Variants in ZFYVE28 observed in about 807,000 individuals in gnomAD.
The protein encoded by ZFYVE28 is zinc finger FYVE-type containing 28.
A neutral mutation model predicts 82.1 loss-of-function variants in ZFYVE28; 40 were observed. The observed-to-expected ratio is 0.49, with a 90% CI of 0.38 to 0.63. The LOEUF is 0.63. Among genes scored for constraint, ZFYVE28 ranks in the 30% least tolerant of loss-of-function variants. The pLI, the probability that ZFYVE28 is intolerant of heterozygous loss-of-function variation, is 0.00. For synonymous variants in ZFYVE28, 612 were observed against 546.1 expected (o/e 1.12, Z -1.68); for missense variants, 1,321 against 1,242.1 (o/e 1.06, Z -0.96).
chr4:2,333,075 C>T (rs1341461753), intron 6 of ZFYVE28, among the ~76,000 whole-genome samples: 1 of 151,946 alleles, frequency 6.6e-6, no homozygotes, highest in African/African-American at 2.4e-5. Context: ...TCCCACTGTC[C>T]TGAGCCCGAG....
chr4:2,284,701 AGT>A (rs1712466592), intron 8 of ZFYVE28, among the ~76,000 whole-genome samples: 1 of 152,122 alleles, frequency 6.6e-6, no homozygotes, highest in Non-Finnish European at 1.5e-5. Flanking sequence ...CGGGGGGCTG[AGT>A]CTGCAATGCA....
chr4:2,282,375 AGGCCACAGGACAGT>A (rs1712079518), intron 8 of ZFYVE28, among the ~76,000 whole-genome samples: 1 of 152,222 alleles, frequency 6.6e-6, no homozygotes, highest in Non-Finnish European at 1.5e-5. Context: ...TGTCACAGTT[AGGCCACAGGACAGT>A]GGCCAGGTTT....
At chr4:2,295,449 G>C (rs1714402335) in intron 8 of ZFYVE28, 1 of 152,202 alleles carries the variant, frequency 6.6e-6, no homozygotes, top group South Asian at 2.1e-4. Context: ...GGGATTACAG[G>C]CATGAGCCAC....
At chr4:2,337,598 AG>A in intron 4 of ZFYVE28, 102 bp from the exon 5 acceptor site, 1 of 800,408 alleles carries the variant, frequency 1.2e-6, no homozygotes, top group South Asian at 2.1e-5. Context: ...ATGCTGGGCA[AG>A]GTGGGGGCGG....
chr4:2,339,421 C>T lies in ZFYVE28; in HGVS notation c.521+32G>A. ...TGGCACAACCGTCCCCCAGCTCATA[C>T]AGCCAGGGCTGTGGACCCACAGCTG... On this transcript the variant is annotated intron_variant, in intron 4 of 12. Transcript: ENST00000290974. This position sits in a 1 kb window ranked among gnomAD's most constrained non-coding sequence, Gnocchi z 5.0. 3.7e-6 allele frequency: 6 copies of T among 1,605,336 alleles called. No individual in the cohort carries two copies. Among genetic ancestry groups the T allele is most frequent in the Non-Finnish European group, 5.1e-6 (6 of 1,175,500 alleles).
intron 8 of ZFYVE28, among the ~76,000 whole-genome samples, chr4:2,299,300 C>T (rs1018706979): frequency 2.0e-5 from 3 of 152,036 alleles, no homozygotes; most frequent in African/African-American, 7.2e-5. Flanking sequence ...AAGGGTACTC[C>T]GTTTTTCCCC....
At chr4:2,315,537 T>C (rs1281708623) in intron 7 of ZFYVE28, among the ~76,000 whole-genome samples, 1 of 152,226 alleles carries the variant, frequency 6.6e-6, no homozygotes, top group Admixed American at 6.5e-5. Flanking sequence ...CCTCCCAAAG[T>C]GCTGGGATCA....
chr4:2,304,453 G>C lies in ZFYVE28; in HGVS notation c.1887C>G (p.Pro629=), dbSNP rs1716181829. The part of the protein sequence containing the change: ...DASNGREPKA[P]TSDKCLPHTS... ...TGTGAGGCAGGCACTTGTCGGAAGT[G>C]GGGGCTTTGGGCTCCCGCCCGTTGG... Residue 629 remains proline (P), a synonymous_variant, in exon 8 of 13, where the codon CCC becomes CCG. Transcript: ENST00000290974. The C allele has an allele frequency of 3.7e-6, 6 of 1,613,466 alleles. No individual in the cohort carries two copies. The highest frequency in any genetic ancestry group is 2.7e-5 in the African/African-American group (2 of 74,944).
chr4:2,278,408 G>C (rs895421064), intron 8 of ZFYVE28, among the ~76,000 whole-genome samples: 1 of 151,228 alleles, frequency 6.6e-6, no homozygotes, highest in East Asian at 2.0e-4. Context: ...GGCTGGTCTT[G>C]AACTCCTGGA....
At position 2,304,236 on chromosome 4, in the gene ZFYVE28, GC is replaced by G. The variant is rs542473592; in HGVS notation, c.2051+52del. 1.7e-4 allele frequency: 260 copies of G among 1,501,490 alleles called. No individual in the cohort carries two copies. The African/African-American group carries it at 3.1e-3, about 18-fold the overall frequency. 93.0% of individuals were successfully genotyped at this position (1,501,490 alleles called of 1,614,324 possible). A position where few individuals can be genotyped will look rare whatever the true frequency, so the allele number is the denominator to read the frequency against. On this transcript the variant is annotated intron_variant, in intron 8 of 12. Transcript: ENST00000290974. ...ATGCTTGGAGAATGCGCCAGCACCT[GC>G]CCCCCAGTGCAGAGAGGACAAACCC...
chr4:2,271,309 AC>A lies in ZFYVE28; in HGVS notation c.2532+1del. The A allele has an allele frequency of 6.2e-7, 1 of 1,612,428 alleles. No individual in the cohort carries two copies. The highest frequency in any genetic ancestry group is 8.5e-7 in the Non-Finnish European group (1 of 1,179,740). Reference sequence around the variant, plus strand: ...ACCCTCCGTGCAAGGGGTCTCACCCACCTTCCCACAGCTGCGGCAGTGGTGC... The same window carrying A: ...ACCCTCCGTGCAAGGGGTCTCACCCACTTCCCACAGCTGCGGCAGTGGTGC... On this transcript the variant is annotated splice_donor_variant, in intron 12 of 12. Transcript: ENST00000290974. LOFTEE classifies it high-confidence loss of function.
At chr4:2,288,887 G>A (rs926530942) in intron 8 of ZFYVE28, among the ~76,000 whole-genome samples, 1 of 152,144 alleles carries the variant, frequency 6.6e-6, no homozygotes, top group African/African-American at 2.4e-5. Flanking sequence ...GATCACTTGA[G>A]CCCAGGAATC....
chr4:2,341,499 G>C lies in ZFYVE28; in HGVS notation c.297C>G (p.Gly99=). The C allele has an allele frequency of 6.2e-7, 1 of 1,613,682 alleles. No homozygotes were observed. Among genetic ancestry groups the C allele is most frequent in the Non-Finnish European group, 8.5e-7 (1 of 1,180,016 alleles). ...PEEIRHDNLA[G]QLWFGAECLA... is the part of the protein sequence containing the mutation. The stretch of plus-strand genomic sequence containing the variant: ...CTACCTCGGCACCGAACCACAGCTG[G>C]CCGGCCAGGTTGTCGTGCCGGATCT... The change falls in exon 3 of 13, where the codon GGC becomes GGG. Residue 99 remains glycine, a synonymous_variant. Coordinates refer to ENST00000290974, the MANE Select transcript of ZFYVE28 (RefSeq NM_020972.3). The surrounding 1 kb of genome is among the most constrained non-coding windows in gnomAD (Gnocchi z 4.5).
intron 1 of ZFYVE28, among the ~76,000 whole-genome samples, chr4:2,382,970 C>T (rs565111639): frequency 3.3e-5 from 5 of 152,026 alleles, no homozygotes; most frequent in Non-Finnish European, 4.4e-5. Context: ...TTCACTATCA[C>T]GAGAAAAGCA....
At chr4:2,346,695 AAGACAAT>A (rs1723652843) in intron 2 of ZFYVE28, among the ~76,000 whole-genome samples, 2 of 152,164 alleles carry the variant, frequency 1.3e-5, no homozygotes, top group Admixed American at 1.3e-4. Flanking sequence ...TCTGTAATTA[AAGACAAT>A]TATTATAAAC....
At chr4:2,405,051 G>A (rs1248490431) in intron 1 of ZFYVE28, among the ~76,000 whole-genome samples, 4 of 152,122 alleles carry the variant, frequency 2.6e-5, no homozygotes, top group Non-Finnish European at 5.9e-5. Flanking sequence ...TCTCTTAAAA[G>A]ATTAAAATAT....
chr4:2,391,240 C>T (rs1024447468), intron 1 of ZFYVE28, among the ~76,000 whole-genome samples: 14 of 152,292 alleles, frequency 9.2e-5, no homozygotes, highest in Middle Eastern at 3.4e-3. Flanking sequence ...ATCGTCCCCA[C>T]GGCCGCTCAG....
At chr4:2,306,425 C>T (rs1170536995) in intron 7 of ZFYVE28, among the ~76,000 whole-genome samples, 1 of 152,346 alleles carries the variant, frequency 6.6e-6, no homozygotes, top group Non-Finnish European at 1.5e-5. Flanking sequence ...CCCAACCAGG[C>T]CCCCGGCACC....
Position 2,398,381 on chromosome 4 carries a change from A to G in ZFYVE28, c.39+19904T>C, listed in dbSNP as rs575826972. Reference sequence around the variant, plus strand: ...GACTTCTGCTGAAAAGAGGGCCAGGAGCTACGGAGTGGCAGCTCGAGAGAT... The same window carrying G: ...GACTTCTGCTGAAAAGAGGGCCAGGGGCTACGGAGTGGCAGCTCGAGAGAT... On this transcript the variant is annotated intron_variant, in intron 1 of 12. Transcript: ENST00000290974. Among the ~76,000 whole-genome samples the G allele has an allele frequency of 1.9e-4, 29 of 152,260 alleles. No homozygotes were observed. In the South Asian group the frequency reaches 6.0e-3, roughly 32 times the overall value.
Sources: allele counts gnomAD v4.1 joint callset (sites outside exome capture counted in the v4.1 genomes callset), GRCh38; gene constraint gnomAD v4.1.1; non-coding constraint Gnocchi (gnomAD v3.1); transcripts MANE v1.5; gene names NCBI Gene and HGNC (gene_info 2026-07-23, HGNC 2026-07-21).